Variants in SLC12A6 observed in about 807,000 individuals in gnomAD.
SLC12A6 encodes the protein solute carrier family 12 member 6.
Under a neutral mutation model 135.3 loss-of-function variants are expected in SLC12A6, and 66 were observed. The ratio of observed to expected loss-of-function variants is 0.49; its 90% confidence interval spans 0.40 to 0.60. The LOEUF is 0.60. Among genes scored for constraint, SLC12A6 ranks in the 20% least tolerant of loss-of-function variants. The pLI is 0.00. For missense variants in SLC12A6, 1,058 were observed against 1,452.3 expected (o/e 0.73, Z 4.41); for synonymous variants, 513 against 508.8 (o/e 1.01, Z -0.11).
intron 2 of SLC12A6, among the ~76,000 whole-genome samples, chr15:34,304,800 T>TA (rs1896490237): frequency 6.6e-6 from 1 of 152,194 alleles, no homozygotes; most frequent in African/African-American, 2.4e-5. Flanking sequence ...ATCCTTTGGT[T>TA]AAAAACCTTA....
intron 22 of SLC12A6, 47 bp from the exon 23 acceptor site, chr15:34,236,862 G>T: frequency 9.6e-7 from 1 of 1,041,626 alleles, no homozygotes; most frequent in Non-Finnish European, 1.5e-6. Flanking sequence ...AAAGGAGAAA[G>T]AAGGATGAAC....
chr15:34,318,927 G>T, intron 2 of SLC12A6: 1 of 864,154 alleles, frequency 1.2e-6, no homozygotes, highest in Non-Finnish European at 1.6e-6. Context: ...CTTGCTTATT[G>T]TTATTAACCT....
chr15:34,304,600 C>A (rs347851), intron 2 of SLC12A6, among the ~76,000 whole-genome samples: 1 of 151,932 alleles, frequency 6.6e-6, no homozygotes, highest in African/African-American at 2.4e-5. Flanking sequence ...AAAAACTGTA[C>A]CTCATTTTGG....
At chr15:34,312,126 G>A (rs1376438711) in intron 2 of SLC12A6, among the ~76,000 whole-genome samples, 3 of 152,192 alleles carry the variant, frequency 2.0e-5, no homozygotes, top group African/African-American at 7.2e-5. Context: ...GTGAAGGAAA[G>A]TAGTCCTTGA....
At chr15:34,290,656 C>T (rs1422422868) in intron 2 of SLC12A6, among the ~76,000 whole-genome samples, 1 of 152,128 alleles carries the variant, frequency 6.6e-6, no homozygotes, top group Non-Finnish European at 1.5e-5. Context: ...AATCTGGGTG[C>T]TCCTGTATTG....
Position 34,293,646 on chromosome 15 carries a change from CAGG to C in SLC12A6, c.272-18260_272-18258del, listed in dbSNP as rs533945720. ...ACAAAGTCTCGCTCTGAGGCCTAGGCAGGAGTACAATGGCACAATCTCAGTTCA... is the reference window on the plus strand; with the variant it reads ...ACAAAGTCTCGCTCTGAGGCCTAGGCAGTACAATGGCACAATCTCAGTTCA... On this transcript the variant is annotated intron_variant, in intron 2 of 25. Coordinates refer to ENST00000354181, the MANE Select transcript of SLC12A6 (RefSeq NM_001365088.1). 8.5e-5 allele frequency among the ~76,000 whole-genome samples: 13 copies of C among 152,322 alleles called. No individual in the cohort carries two copies. In the South Asian group the frequency reaches 2.5e-3, roughly 29 times the overall value.
At chr15:34,238,705 T>A in intron 20 of SLC12A6, 2 of 600,530 alleles carry the variant, frequency 3.3e-6, no homozygotes, top group Non-Finnish European at 5.9e-6. Context: ...AACATCAATA[T>A]GGAAAATCAC....
intron 3 of SLC12A6, 36 bp downstream of exon 3, chr15:34,275,309 C>G (rs1894223876): frequency 1.8e-6 from 2 of 1,129,762 alleles, no homozygotes; most frequent in Middle Eastern, 2.0e-4. Context: ...TTAAGGGTGA[C>G]TTTGGATAAA....
chr15:34,316,349 A>G (rs1888650197), intron 2 of SLC12A6, among the ~76,000 whole-genome samples: 1 of 152,178 alleles, frequency 6.6e-6, no homozygotes, highest in African/African-American at 2.4e-5. Flanking sequence ...ATGAAAAGCA[A>G]CTGCTCCAAA....
chr15:34,320,689 G>A lies in SLC12A6; in HGVS notation c.271+15721C>T, dbSNP rs192706707. ...CCCAGCACTTTGGGAGGCCGAGGCG[G>A]GTGGATCAAGAGGTCAGGAGATCAA... On this transcript the variant is annotated intron_variant, in intron 2 of 25. Coordinates refer to ENST00000354181, the MANE Select transcript of SLC12A6 (RefSeq NM_001365088.1). 1.6e-4 allele frequency among the ~76,000 whole-genome samples: 25 copies of A among 151,892 alleles called. No individual in the cohort carries two copies. In the East Asian group the frequency reaches 4.8e-3, roughly 29 times the overall value.
chr15:34,326,674 G>A (rs577608399), intron 2 of SLC12A6, among the ~76,000 whole-genome samples: 3 of 144,990 alleles, frequency 2.1e-5, no homozygotes, highest in Non-Finnish European at 3.0e-5. Context: ...GTTATTCAGA[G>A]AATATGTCAT....
rs557723472 is a variant in SLC12A6 at position 34,280,398 on chromosome 15, A to G, written c.272-5009T>C. Among the ~76,000 whole-genome samples the G allele has an allele frequency of 3.3e-5, 5 of 152,352 alleles. No individual in the cohort carries two copies. The South Asian group carries it at 1.0e-3, about 32-fold the overall frequency. On this transcript the variant is annotated intron_variant, in intron 2 of 25. Coordinates refer to ENST00000354181, the MANE Select transcript of SLC12A6 (RefSeq NM_001365088.1). ...GCTACTGGCTGTATTATCTAGACATATCACAAAAGTTGTTTCAGGAAAACA... is the reference window on the plus strand; with the variant it reads ...GCTACTGGCTGTATTATCTAGACATGTCACAAAAGTTGTTTCAGGAAAACA...
In SLC12A6 at chr15:34,299,881, G is replaced by A. The variant is rs530935077; in HGVS notation, c.272-24492C>T. Among the ~76,000 whole-genome samples, 21 of 152,258 alleles carry A rather than the reference G, an allele frequency of 1.4e-4. 1 individual carries two copies. Among genetic ancestry groups the A allele is most frequent in the Middle Eastern group, 3.4e-3 (1 of 294 alleles). ...TTTAAATGAGGGAGTAATAGGATGA[G>A]ATTTACATATGAGAAAAATTCCTCT... On this transcript the variant is annotated intron_variant, in intron 2 of 25. Transcript: ENST00000354181.
intron 2 of SLC12A6, among the ~76,000 whole-genome samples, chr15:34,276,002 TG>T (rs1233589750): frequency 6.6e-6 from 1 of 152,118 alleles, no homozygotes; most frequent in Admixed American, 6.5e-5. Flanking sequence ...CGTTTCTGTT[TG>T]GGGTGATGAG....
At chr15:34,297,458 G>A (rs990996686) in intron 2 of SLC12A6, among the ~76,000 whole-genome samples, 1 of 152,194 alleles carries the variant, frequency 6.6e-6, no homozygotes, top group African/African-American at 2.4e-5. Context: ...CAGCAACCAT[G>A]TGAAGAAGAA....
At chr15:34,286,830 C>T (rs1895113767) in intron 2 of SLC12A6, among the ~76,000 whole-genome samples, 1 of 152,038 alleles carries the variant, frequency 6.6e-6, no homozygotes, top group African/African-American at 2.4e-5. Flanking sequence ...ATGCAGCAAC[C>T]TTATCTCCTA....
At chr15:34,238,052 A>C (rs1891392697) in intron 21 of SLC12A6, among the ~76,000 whole-genome samples, 180 bp downstream of exon 21, 1 of 152,226 alleles carries the variant, frequency 6.6e-6, no homozygotes, top group African/African-American at 2.4e-5. Context: ...AGTAGGTATC[A>C]AATACAAAGA....
intron 2 of SLC12A6, among the ~76,000 whole-genome samples, chr15:34,297,342 T>A (rs759707614): frequency 1.6e-4 from 25 of 151,866 alleles, no homozygotes; most frequent in Non-Finnish European, 3.2e-4. Flanking sequence ...AAGAAAAAAA[T>A]TAAATAAACA....
chr15:34,306,240 G>GTC (rs1473170639), intron 2 of SLC12A6, among the ~76,000 whole-genome samples: 1 of 152,202 alleles, frequency 6.6e-6, no homozygotes, highest in Admixed American at 6.5e-5. Context: ...AGGCAAAGCA[G>GTC]TCTCTACCCC....
Sources: allele counts gnomAD v4.1 joint callset (sites outside exome capture counted in the v4.1 genomes callset), GRCh38; gene constraint gnomAD v4.1.1; transcripts MANE v1.5; gene names NCBI Gene and HGNC (gene_info 2026-07-23, HGNC 2026-07-21).